Variants in MTA1 observed in about 807,000 individuals in gnomAD.
The protein encoded by MTA1 is metastasis associated 1.
Under a neutral mutation model 97.0 loss-of-function variants are expected in MTA1, and 15 were observed. That is an observed-to-expected ratio of 0.15 (90% CI 0.10 to 0.24). The LOEUF (loss-of-function observed/expected upper bound fraction) is 0.24. MTA1 is among the 10% of genes least tolerant of loss of function. The pLI, the probability that MTA1 is intolerant of heterozygous loss-of-function variation, is 1.00. For synonymous variants in MTA1, 435 were observed against 417.5 expected, an observed-to-expected ratio of 1.04 and a Z score of -0.51; for missense variants, 709 against 1,015.1, an observed-to-expected ratio of 0.70 and a Z score of 4.10.
intron 1 of MTA1, among the ~76,000 whole-genome samples, chr14:105,436,601 G>A (rs985372024): frequency 7.2e-5 from 11 of 152,156 alleles, no homozygotes; most frequent in African/African-American, 2.4e-4. Context: ...TCCCCCGAGA[G>A]GGCCTTCCGG....
rs587740722 is a variant in MTA1, at chr14:105,422,472, G to A, written c.28+2409G>A. ...CCAGTCCTGGCCTGTGGGAGATGCCGGCAGGGACCCAGCCTGGGAAGGGGC... is the reference window on the plus strand; with the variant it reads ...CCAGTCCTGGCCTGTGGGAGATGCCAGCAGGGACCCAGCCTGGGAAGGGGC... On this transcript the variant is annotated intron_variant, in intron 1 of 20. Transcript: ENST00000331320. This position sits in a 1 kb window ranked among gnomAD's most constrained non-coding sequence, Gnocchi z 4.3. Among the ~76,000 whole-genome samples, 136 of 152,262 alleles carry A rather than the reference G, an allele frequency of 8.9e-4. No individual in the cohort carries two copies. Among genetic ancestry groups the A allele is most frequent in the African/African-American group, 2.9e-3 (122 of 41,566 alleles).
chr14:105,449,190 A>G, intron 3 of MTA1, 169 bp from the exon 4 acceptor site: 1 of 579,492 alleles, frequency 1.7e-6, no homozygotes, highest in Non-Finnish European at 3.0e-6. Flanking sequence ...GGGGACGTCG[A>G]GGCCCAGATG....
chr14:105,463,617 C>A lies in MTA1; in HGVS notation c.1076+66C>A. 1 of 1,513,256 alleles carries A rather than the reference C, an allele frequency of 6.6e-7. No individual in the cohort carries two copies. Among genetic ancestry groups the A allele is most frequent in the Non-Finnish European group, 9.2e-7 (1 of 1,091,278 alleles). The allele number at this position is 1,513,256 out of a possible 1,614,324, so 93.7% of individuals were successfully genotyped here. A position where few individuals can be genotyped will look rare whatever the true frequency, so the allele number is the denominator to read the frequency against. On this transcript the variant is annotated intron_variant, in intron 12 of 20. Transcript: ENST00000331320. The surrounding 1 kb of genome is among the most constrained non-coding windows in gnomAD (Gnocchi z 5.9). ...GGCCAGGGAGGGTGGGCACAGGGTG[C>A]TGGGGCCAGGCGGGTCCCAAGGAAA... is the stretch of plus-strand genomic sequence containing the variant.
chr14:105,457,736 G>A (rs1008557004), intron 7 of MTA1, among the ~76,000 whole-genome samples: 2 of 152,160 alleles, frequency 1.3e-5, no homozygotes, highest in African/African-American at 2.4e-5. Flanking sequence ...GACCAGCCTG[G>A]GCAACATGGT....
intron 8 of MTA1, among the ~76,000 whole-genome samples, chr14:105,458,632 T>C (rs2083244314): frequency 6.6e-6 from 1 of 152,024 alleles, no homozygotes; most frequent in African/African-American, 2.4e-5. Flanking sequence ...AATGGGGCTT[T>C]CCCAGGATGG....
chr14:105,445,370 G>A, intron 2 of MTA1, 48 bp from the exon 3 acceptor site: 1 of 1,575,572 alleles, frequency 6.3e-7, no homozygotes, highest in East Asian at 2.2e-5. Flanking sequence ...GAGCTGTGCA[G>A]CCCGGGTTTG....
At chr14:105,461,025 CT>C in intron 10 of MTA1, 72 bp downstream of exon 10, 9 of 1,436,672 alleles carry the variant, frequency 6.3e-6, no homozygotes, top group Non-Finnish European at 7.7e-6. Flanking sequence ...GGGGTGTGGG[CT>C]CCACATCCCA....
chr14:105,441,082 CAT>C (rs1451201183), intron 2 of MTA1, among the ~76,000 whole-genome samples: 2 of 152,108 alleles, frequency 1.3e-5, no homozygotes, highest in Non-Finnish European at 2.9e-5. Context: ...ACCATGGTGA[CAT>C]GTGGCTGGCA....
At chr14:105,425,611 T>G (rs1172993583) in intron 1 of MTA1, among the ~76,000 whole-genome samples, 3 of 152,100 alleles carry the variant, frequency 2.0e-5, no homozygotes, top group African/African-American at 7.3e-5. Context: ...ATGTCTTTCC[T>G]CGTGTGCTAC....
Position 105,466,551 on chromosome 14 carries a change from A to G in MTA1, c.1750A>G (p.Ser584Gly). ...CTCCCCCACCATCCTGGGCAAGCGC[A>G]GCTACGAGCAGCACAACGGGGTGGA... ...NGSPTILGKR[S>G]YEQHNGVDGN... Residue 584 changes from serine (S) to glycine (G), a missense_variant, in exon 17 of 21, where the codon AGC becomes GGC. This residue lies in a region of MTA1 where 388 missense variants were observed against 421.6 expected (regional missense o/e 0.92). Coordinates refer to ENST00000331320, the MANE Select transcript of MTA1 (RefSeq NM_004689.4). The G allele has an allele frequency of 6.3e-7, 1 of 1,580,646 alleles. No homozygotes were observed. Among genetic ancestry groups the G allele is most frequent in the Non-Finnish European group, 8.6e-7 (1 of 1,164,412 alleles).
Position 105,469,575 on chromosome 14 carries a change from A to G in MTA1, c.1845+77A>G, listed in dbSNP as rs1446138973. ...TGGGGTGTTGGGAAGAGGCCTGGCC[A>G]GCCCTGCCAGGTGCCACGTGGAAGC... On this transcript the variant is annotated intron_variant, in intron 19 of 20. Coordinates refer to ENST00000331320, the MANE Select transcript of MTA1 (RefSeq NM_004689.4). 3.3e-6 allele frequency: 5 copies of G among 1,531,880 alleles called. No individual in the cohort carries two copies. In the Admixed American group the frequency reaches 7.0e-5, roughly 21 times the overall value. The allele number at this position is 1,531,880 out of a possible 1,614,324, so 94.9% of individuals were successfully genotyped here. A position where few individuals can be genotyped will look rare whatever the true frequency, so the allele number is the denominator to read the frequency against.
chr14:105,426,692 C>T (rs587750458), intron 1 of MTA1, among the ~76,000 whole-genome samples: 14 of 152,328 alleles, frequency 9.2e-5, no homozygotes, highest in East Asian at 1.9e-4. Context: ...GGATGCACCT[C>T]GGATGCTGGG....
chr14:105,455,368 G>C (rs2083104316), intron 7 of MTA1, among the ~76,000 whole-genome samples: 1 of 152,222 alleles, frequency 6.6e-6, no homozygotes, highest in South Asian at 2.1e-4. Flanking sequence ...CCTCCACCGG[G>C]TGCTTCGGTA....
At chr14:105,448,960 T>G in intron 3 of MTA1, 1 of 168,768 alleles carries the variant, frequency 5.9e-6, no homozygotes, top group Non-Finnish European at 1.3e-5. Context: ...ACGCCCCCAT[T>G]TTGGGTGTTA....
chr14:105,465,283 C>CG, intron 16 of MTA1, 100 bp downstream of exon 16: 1 of 1,083,658 alleles, frequency 9.2e-7, no homozygotes, highest in Non-Finnish European at 1.3e-6. Context: ...TAGCTGGGAG[C>CG]TCCTGGACAG....
intron 16 of MTA1, chr14:105,465,576 T>TC (rs1329647053): frequency 1.3e-5 from 2 of 159,374 alleles, no homozygotes; most frequent in African/African-American, 4.8e-5. Context: ...TAAGGCAGCG[T>TC]CGTACCTGCT....
At chr14:105,428,424 G>A (rs587738904) in intron 1 of MTA1, among the ~76,000 whole-genome samples, 4 of 151,968 alleles carry the variant, frequency 2.6e-5, no homozygotes, top group East Asian at 1.9e-4. Flanking sequence ...CTGAACAGCC[G>A]GGACCACAGG....
intron 19 of MTA1, 84 bp from the exon 20 acceptor site, chr14:105,469,757 C>G (rs2083754788): frequency 7.2e-7 from 1 of 1,393,882 alleles, no homozygotes; most frequent in Non-Finnish European, 9.4e-7. Flanking sequence ...GTTGGCCAGG[C>G]ACAGCACCTC....
rs1180467698 is a variant in MTA1 at position 105,463,071 on chromosome 14, C to T, written c.943-113C>T. ...CCTCCGTGCACCAAGCACACCTCGCCCTCTGGCCTCCCGCCCCCTCTGTGG... is the reference window on the plus strand; with the variant it reads ...CCTCCGTGCACCAAGCACACCTCGCTCTCTGGCCTCCCGCCCCCTCTGTGG... On this transcript the variant is annotated intron_variant, in intron 10 of 20. Coordinates refer to ENST00000331320, the MANE Select transcript of MTA1 (RefSeq NM_004689.4). This position sits in a 1 kb window ranked among gnomAD's most constrained non-coding sequence, Gnocchi z 5.9. The T allele has an allele frequency of 8.6e-6, 9 of 1,051,272 alleles. No individual in the cohort carries two copies. The highest frequency in any genetic ancestry group is 7.8e-5 in the African/African-American group (5 of 63,778). 65.1% of individuals were successfully genotyped at this position (1,051,272 alleles called of 1,614,324 possible).
Sources: allele counts gnomAD v4.1 joint callset (sites outside exome capture counted in the v4.1 genomes callset), GRCh38; gene constraint gnomAD v4.1.1; regional missense constraint gnomAD v4.1.1; non-coding constraint Gnocchi (gnomAD v3.1); transcripts MANE v1.5; gene names NCBI Gene and HGNC (gene_info 2026-07-23, HGNC 2026-07-21).